Variants in DPP10 observed in about 807,000 individuals in gnomAD.
The protein encoded by DPP10 is dipeptidyl peptidase like 10, also known as inactive dipeptidyl peptidase 10.
Under a neutral mutation model 120.9 loss-of-function variants are expected in DPP10, and 33 were observed. The ratio of observed to expected loss-of-function variants is 0.27; its 90% CI spans 0.21 to 0.37. The LOEUF is 0.37. Among genes scored for constraint, DPP10 ranks in the 10% least tolerant of loss-of-function variants. The probability of loss-of-function intolerance (pLI) is 1.00; values close to 1 mark genes in which losing one functional copy is unlikely to be tolerated. For missense variants in DPP10, 816 were observed against 942.8 expected, an observed-to-expected ratio of 0.87 and a Z score of 1.76; for synonymous variants, 337 against 326.1, an observed-to-expected ratio of 1.03 and a Z score of -0.36.
intron 1 of DPP10, among the ~76,000 whole-genome samples, chr2:114,708,325 A>G (rs989840422): frequency 1.3e-5 from 2 of 152,240 alleles, no homozygotes; most frequent in African/African-American, 2.4e-5. Context: ...ATTGCAGGAT[A>G]TCCTGTTCCA....
At chr2:115,747,892 C>T (rs1036422169) in intron 10 of DPP10, among the ~76,000 whole-genome samples, 3 of 152,146 alleles carry the variant, frequency 2.0e-5, no homozygotes, top group Middle Eastern at 3.4e-3. Flanking sequence ...TGTGGCTGGC[C>T]CCGCTTGTCT....
At chr2:114,805,818 G>A (rs1203465569) in intron 1 of DPP10, among the ~76,000 whole-genome samples, 1 of 152,130 alleles carries the variant, frequency 6.6e-6, no homozygotes, top group South Asian at 2.1e-4. Flanking sequence ...ACCTGAAAGT[G>A]ACACATTGCA....
At chr2:114,871,380 C>T (rs1027052465) in intron 1 of DPP10, among the ~76,000 whole-genome samples, 1 of 152,146 alleles carries the variant, frequency 6.6e-6, no homozygotes, top group African/African-American at 2.4e-5. Flanking sequence ...AAAAATTAAA[C>T]TGGATCTATT....
chr2:115,646,826 C>T (rs976250713), intron 5 of DPP10, among the ~76,000 whole-genome samples: 4 of 152,098 alleles, frequency 2.6e-5, no homozygotes, highest in African/African-American at 9.7e-5. Flanking sequence ...CCTGCTAGAT[C>T]TACCATGTTT....
chr2:115,063,998 C>T (rs143128437), intron 1 of DPP10, among the ~76,000 whole-genome samples: 3,659 of 151,920 alleles, frequency 0.024, 64 homozygotes, highest in Non-Finnish European at 0.039. Context: ...TGGTTCAATG[C>T]CTGCCTTTTG....
intron 1 of DPP10, among the ~76,000 whole-genome samples, chr2:114,675,099 T>G (rs1436580463): frequency 6.6e-6 from 1 of 152,152 alleles, no homozygotes; most frequent in Non-Finnish European, 1.5e-5. Flanking sequence ...GAAATTCAAA[T>G]TTTTCTTCTT....
intron 1 of DPP10, among the ~76,000 whole-genome samples, chr2:114,500,952 T>C (rs1278831734): frequency 6.6e-6 from 1 of 152,176 alleles, no homozygotes; most frequent in Admixed American, 6.5e-5. Context: ...GAAAAGGCAC[T>C]GGGAACACTT....
At chr2:115,292,253 T>C (rs551713322) in intron 1 of DPP10, among the ~76,000 whole-genome samples, 1 of 152,254 alleles carries the variant, frequency 6.6e-6, no homozygotes, top group Admixed American at 6.5e-5. Context: ...TAAAGCTACA[T>C]AACTACATAT....
intron 1 of DPP10, among the ~76,000 whole-genome samples, chr2:114,827,871 A>G (rs1263178086): frequency 1.3e-5 from 2 of 152,196 alleles, no homozygotes; most frequent in African/African-American, 4.8e-5. Context: ...TTCCCCCTCC[A>G]GCAATAGTGT....
intron 1 of DPP10, among the ~76,000 whole-genome samples, chr2:115,296,308 G>A (rs1198202721): frequency 1.3e-5 from 2 of 152,036 alleles, no homozygotes; most frequent in Non-Finnish European, 2.9e-5. Context: ...AATTAGTAAT[G>A]CTGGCTTTGA....
At chr2:114,563,090 C>A (rs1000687663) in intron 1 of DPP10, among the ~76,000 whole-genome samples, 1 of 152,146 alleles carries the variant, frequency 6.6e-6, no homozygotes. Context: ...ACACATAAAA[C>A]TGGCTGGGCG....
intron 1 of DPP10, among the ~76,000 whole-genome samples, chr2:114,629,895 C>T (rs1694791757): frequency 6.6e-6 from 1 of 151,982 alleles, no homozygotes; most frequent in Admixed American, 6.6e-5. Context: ...TTTGAATATC[C>T]TTTCAAAAGA....
chr2:115,491,528 G>T (rs1307282057), intron 3 of DPP10, among the ~76,000 whole-genome samples: 1 of 151,984 alleles, frequency 6.6e-6, no homozygotes, highest in African/African-American at 2.4e-5. Flanking sequence ...TTTTATGGTG[G>T]GCTGGAATGT....
At position 115,635,443 on chromosome 2, in the gene DPP10, C is replaced by T. The variant is rs530059830; in HGVS notation, c.442-54244C>T. On this transcript the variant is annotated intron_variant, in intron 5 of 25. Transcript: ENST00000410059. ...CGCCTCCCTCGGCTGAAGGTGGTAG[C>T]TCCCCTTGCCCTGTCTGACTCCTAG... Among the ~76,000 whole-genome samples, 7 of 152,294 alleles carry T rather than the reference C, an allele frequency of 4.6e-5. No homozygotes were observed. The South Asian group carries it at 1.0e-3, about 23-fold the overall frequency.
At position 115,133,145 on chromosome 2, in the gene DPP10, G is replaced by GTATATATATATATATA. The variant is rs1246180843; in HGVS notation, c.61-176077_61-176062dup. On this transcript the variant is annotated intron_variant, in intron 1 of 25. Coordinates refer to ENST00000410059, the MANE Select transcript of DPP10 (RefSeq NM_020868.6). ...TGTGTGTGTGTGTGTGTGTGTGTGT[G>GTATATATATATATATA]TATATATATATATATATATATATAT... Among the ~76,000 whole-genome samples, 174 of 28,692 alleles carry GTATATATATATATATA rather than the reference G, an allele frequency of 6.1e-3. 4 individuals carry two copies. Among genetic ancestry groups the GTATATATATATATATA allele is most frequent in the Non-Finnish European group, 8.2e-3 (123 of 15,062 alleles). 18.8% of individuals were successfully genotyped at this position (28,692 alleles called of 152,430 possible). A position where few individuals can be genotyped will look rare whatever the true frequency, so the allele number is the denominator to read the frequency against.
intron 1 of DPP10, among the ~76,000 whole-genome samples, chr2:114,648,390 G>A (rs1696301106): frequency 6.6e-6 from 1 of 152,114 alleles, no homozygotes. Context: ...CTTTTTTGGA[G>A]CCTTAGCCTT....
chr2:115,507,256 T>A (rs2076997857), intron 4 of DPP10, among the ~76,000 whole-genome samples: 1 of 152,200 alleles, frequency 6.6e-6, no homozygotes, highest in South Asian at 2.1e-4. Context: ...TCATTATGCC[T>A]TATTACTTTA....
At chr2:115,429,054 T>C (rs928341450) in intron 3 of DPP10, among the ~76,000 whole-genome samples, 5 of 151,944 alleles carry the variant, frequency 3.3e-5, no homozygotes, top group Non-Finnish European at 1.5e-5. Context: ...TGAAGAAATG[T>C]ACAGAAGGGA....
At chr2:115,746,380 T>A (rs1163559220) in intron 10 of DPP10, among the ~76,000 whole-genome samples, 197 bp downstream of exon 10, 2 of 152,206 alleles carry the variant, frequency 1.3e-5, no homozygotes, top group Non-Finnish European at 2.9e-5. Flanking sequence ...CCAAGGTGAT[T>A]ATCAGCACCA....
Sources: allele counts gnomAD v4.1 joint callset (sites outside exome capture counted in the v4.1 genomes callset), GRCh38; gene constraint gnomAD v4.1.1; transcripts MANE v1.5; gene names NCBI Gene and HGNC (gene_info 2026-07-23, HGNC 2026-07-21).